RIOX2: variants seen among roughly 807,000 people sequenced by gnomAD.
The protein encoded by RIOX2 is ribosomal oxygenase 2.
A neutral mutation model predicts 51.2 loss-of-function variants in RIOX2; 43 were observed. That is an observed-to-expected ratio of 0.84 (90% CI 0.66 to 1.08). The LOEUF (loss-of-function observed/expected upper bound fraction) is 1.08, where lower values mean the gene tolerates loss of function less well. RIOX2 is among the 50% of genes least tolerant of loss of function. The probability of loss-of-function intolerance (pLI) is 0.00; values close to 1 mark genes in which losing one functional copy is unlikely to be tolerated. For synonymous variants in RIOX2, 226 were observed against 218.5 expected (o/e 1.03, Z -0.30); for missense variants, 566 against 561.7 (o/e 1.01, Z -0.08).
Position 97,970,064 on chromosome 3 carries a change from T to A in RIOX2, c.-40+2317A>T, listed in dbSNP as rs541137535. 1.3e-3 allele frequency among the ~76,000 whole-genome samples: 197 copies of A among 152,308 alleles called. 2 individuals carry two copies. The highest frequency in any genetic ancestry group is 2.1e-3 in the Non-Finnish European group (146 of 68,020). On this transcript the variant is annotated intron_variant, in intron 1 of 9. Transcript: ENST00000394198. ...ACAATTGGTCAGTTTAAAATTCATT[T>A]AAGGGGAGAGAGCAGGAGGAAGATG...
intron 1 of RIOX2, among the ~76,000 whole-genome samples, chr3:97,971,168 G>A (rs1303415860): frequency 2.0e-5 from 3 of 152,206 alleles, no homozygotes; most frequent in Admixed American, 6.5e-5. Flanking sequence ...TTAGACATCA[G>A]TAGTTATTAC....
At chr3:97,945,381 T>A (rs1270480706) in intron 9 of RIOX2, 39 bp from the exon 10 acceptor site, 2 of 1,546,394 alleles carry the variant, frequency 1.3e-6, no homozygotes, top group South Asian at 2.4e-5. Flanking sequence ...ATATGTATAC[T>A]ACTTATGTCA....
In RIOX2 at chr3:97,947,461, CAAAG is replaced by C; in HGVS notation, c.1061-16_1061-13del. 1.2e-6 allele frequency: 2 copies of C among 1,610,268 alleles called. No individual in the cohort carries two copies. Among genetic ancestry groups the C allele is most frequent in the Non-Finnish European group, 1.7e-6 (2 of 1,177,178 alleles). ...CGGTAACTTTCCACCTAGAAAACCC[CAAAG>C]AGAGAAAGCCGACCTTCAAAAAAGG... On this transcript the variant is annotated splice_polypyrimidine_tract_variant and intron_variant, in intron 7 of 9. Coordinates refer to ENST00000394198, the MANE Select transcript of RIOX2 (RefSeq NM_153182.4).
chr3:97,947,661 A>G (rs1162995568), intron 7 of RIOX2, among the ~76,000 whole-genome samples: 1 of 152,230 alleles, frequency 6.6e-6, no homozygotes. Context: ...CAGTGAAGAC[A>G]GACATAGATA....
At chr3:97,952,149 C>T (rs1404577720) in intron 5 of RIOX2, 1 of 1,286,794 alleles carries the variant, frequency 7.8e-7, no homozygotes, top group Admixed American at 2.3e-5. Flanking sequence ...CCCAAATATT[C>T]ACCTTTACAT....
chr3:97,967,262 T>C lies in RIOX2; in HGVS notation c.332A>G (p.Lys111Arg). 1 of 1,614,214 alleles carries C rather than the reference T, an allele frequency of 6.2e-7. No individual in the cohort carries two copies. Among genetic ancestry groups the C allele is most frequent in the Non-Finnish European group, 8.5e-7 (1 of 1,180,044 alleles). Residue 111 changes from lysine (K) to arginine (R), a missense_variant, in exon 2 of 10, where the codon AAG becomes AGG. Transcript: ENST00000394198. The part of the protein sequence containing the change: ...NVCRCVNGKK[K>R]VLNKDGKAHF... The stretch of plus-strand genomic sequence containing the variant: ...TGCTTTGCCATCTTTATTTAAAACC[T>C]TCTTCTTCCCATTGACACACCGGCA...
chr3:97,950,646 A>G, intron 6 of RIOX2, 140 bp downstream of exon 6: 1 of 649,512 alleles, frequency 1.5e-6, no homozygotes, highest in East Asian at 2.7e-5. Context: ...TCATTCTGCA[A>G]GTCACACAGC....
At chr3:97,950,080 A>C in intron 6 of RIOX2, 65 bp from the exon 7 acceptor site, 2 of 1,546,202 alleles carry the variant, frequency 1.3e-6, no homozygotes, top group South Asian at 1.1e-5. Flanking sequence ...CTCAGTCTCC[A>C]CAGTAGACTG....
chr3:97,957,986 G>T (rs1002419350), intron 4 of RIOX2, among the ~76,000 whole-genome samples: 1 of 152,154 alleles, frequency 6.6e-6, no homozygotes, highest in Non-Finnish European at 1.5e-5. Context: ...CAGGCAGCAG[G>T]CCAGATTTTC....
At chr3:97,965,666 T>G (rs1576017188) in intron 2 of RIOX2, among the ~76,000 whole-genome samples, 2 of 152,314 alleles carry the variant, frequency 1.3e-5, no homozygotes, top group East Asian at 3.9e-4. Context: ...ACGAGGAATG[T>G]GCAGCACTTA....
At chr3:97,946,495 T>G (rs2040361011) in intron 8 of RIOX2, among the ~76,000 whole-genome samples, 1 of 151,302 alleles carries the variant, frequency 6.6e-6, no homozygotes, top group Admixed American at 6.6e-5. Context: ...AAAAAAATCT[T>G]AGCCTAGCGT....
At chr3:97,946,600 A>ATATATC (rs1419188471) in intron 8 of RIOX2, among the ~76,000 whole-genome samples, 1 of 135,076 alleles carries the variant, frequency 7.4e-6, no homozygotes, top group Non-Finnish European at 1.6e-5. Context: ...ATATATATAT[A>ATATATC]TATATATCTA....
In RIOX2 at chr3:97,966,640, C is replaced by A. The variant is rs556966545; in HGVS notation, c.432+522G>T. Reference sequence around the variant, plus strand: ...GCAGTTCCAGGTACCTCAATGTCACCCATTCGGGTGTTATTAAGGGTGAAG... The same window carrying A: ...GCAGTTCCAGGTACCTCAATGTCACACATTCGGGTGTTATTAAGGGTGAAG... On this transcript the variant is annotated intron_variant, in intron 2 of 9. Coordinates refer to ENST00000394198, the MANE Select transcript of RIOX2 (RefSeq NM_153182.4). 1.8e-4 allele frequency among the ~76,000 whole-genome samples: 27 copies of A among 152,294 alleles called. No individual in the cohort carries two copies. In the South Asian group the frequency reaches 5.4e-3, roughly 30 times the overall value.
chr3:97,943,261 A>T lies in RIOX2; in HGVS notation c.*1923T>A, dbSNP rs781253888. 30 of 1,593,460 alleles carry T rather than the reference A, an allele frequency of 1.9e-5. No individual in the cohort carries two copies. The East Asian group carries it at 5.8e-4, about 31-fold the overall frequency. On this transcript the variant is annotated 3_prime_UTR_variant, in exon 10 of 10. Coordinates refer to ENST00000394198, the MANE Select transcript of RIOX2 (RefSeq NM_153182.4). The stretch of plus-strand genomic sequence containing the variant: ...TTGTGACAAGACTCATGTAATTGTA[A>T]ATCAGCCCCTGGAGGGAGAAGAAAC...
At chr3:97,951,094 C>G (rs760259732) in intron 5 of RIOX2, 1 of 499,548 alleles carries the variant, frequency 2.0e-6, no homozygotes, top group Non-Finnish European at 3.6e-6. Flanking sequence ...CCTCCCCGTT[C>G]CAGACACTCA....
At position 97,959,194 on chromosome 3, in the gene RIOX2, G is replaced by C; in HGVS notation, c.553-15C>G. The C allele has an allele frequency of 6.2e-7, 1 of 1,609,950 alleles. No individual in the cohort carries two copies. Among genetic ancestry groups the C allele is most frequent in the South Asian group, 1.1e-5 (1 of 90,428 alleles). On this transcript the variant is annotated splice_polypyrimidine_tract_variant and intron_variant, in intron 3 of 9. Coordinates refer to ENST00000394198, the MANE Select transcript of RIOX2 (RefSeq NM_153182.4). ...AGGATGAAAACCTAGAGACCCACAAGGCCCAGGAGCATCAGAGAGCTTCCT... is the reference window on the plus strand; with the variant it reads ...AGGATGAAAACCTAGAGACCCACAACGCCCAGGAGCATCAGAGAGCTTCCT...
At chr3:97,969,389 A>G (rs1317611327) in intron 1 of RIOX2, among the ~76,000 whole-genome samples, 1 of 152,194 alleles carries the variant, frequency 6.6e-6, no homozygotes. Flanking sequence ...TGATGGAGAA[A>G]TACAAAGAGA....
chr3:97,954,072 G>A (rs1705365304), intron 5 of RIOX2: 1 of 238,194 alleles, frequency 4.2e-6, no homozygotes, highest in South Asian at 1.2e-4. Flanking sequence ...AAAAAAGAGA[G>A]AGAGTATGAG....
rs765882849 is a variant in RIOX2 at position 97,961,619 on chromosome 3, C to T, written c.522G>A (p.Gln174=). 1.9e-5 allele frequency: 31 copies of T among 1,609,350 alleles called. No homozygotes were observed. The highest frequency in any genetic ancestry group is 1.7e-4 in the Middle Eastern group (1 of 6,056). Residue 174 remains glutamine, a synonymous_variant, in exon 3 of 10, where the codon CAG becomes CAA. Coordinates refer to ENST00000394198, the MANE Select transcript of RIOX2 (RefSeq NM_153182.4). ...CATCATCATAATGGGGCGGCAGGCC[C>T]TGAGATCCTGCGGGAGTTATGTACA... is the stretch of plus-strand genomic sequence containing the variant. The part of the protein sequence containing the change: ...SNVYITPAGS[Q]GLPPHYDDVE...
Sources: gnomAD v4.1 joint callset for allele counts (sites outside exome capture counted in the v4.1 genomes callset) on GRCh38, gnomAD v4.1.1 for gene constraint, MANE v1.5 for transcripts, NCBI Gene and HGNC (gene_info 2026-07-23, HGNC 2026-07-21) for gene names.